Variants in SYT9 observed in about 807,000 individuals in gnomAD.
SYT9 encodes synaptotagmin 9, also known as synaptotagmin-9.
Under a neutral mutation model 48.4 loss-of-function variants are expected in SYT9, and 22 were observed. The observed-to-expected ratio is 0.45, with a 90% CI of 0.32 to 0.65. The LOEUF (loss-of-function observed/expected upper bound fraction) is 0.65. SYT9 is among the 30% of genes least tolerant of loss of function. The probability of loss-of-function intolerance (pLI) is 0.03; values close to 1 mark genes in which losing one functional copy is unlikely to be tolerated. For missense variants in SYT9, 577 were observed against 622.0 expected (o/e 0.93, Z 0.77); for synonymous variants, 265 against 245.0 (o/e 1.08, Z -0.76).
At chr11:7,346,710 A>G (rs1451857170) in intron 3 of SYT9, among the ~76,000 whole-genome samples, 1 of 152,202 alleles carries the variant, frequency 6.6e-6, no homozygotes, top group Non-Finnish European at 1.5e-5. Context: ...TACTTTTCAA[A>G]AATAATTTGC....
chr11:7,415,929 A>G (rs1200411968), intron 3 of SYT9, 113 bp from the exon 4 acceptor site: 1 of 1,332,382 alleles, frequency 7.5e-7, no homozygotes, highest in East Asian at 2.3e-5. Context: ...CAGGGATTCT[A>G]CAAGCTGAGC....
chr11:7,348,227 C>G lies in SYT9; in HGVS notation c.1044+34286C>G, dbSNP rs182432318. Among the ~76,000 whole-genome samples, 209 of 152,282 alleles carry G rather than the reference C, an allele frequency of 1.4e-3. 1 individual carries two copies. Among genetic ancestry groups the G allele is most frequent in the Non-Finnish European group, 1.2e-3 (82 of 68,030 alleles). On this transcript the variant is annotated intron_variant, in intron 3 of 6. Transcript: ENST00000318881. The stretch of plus-strand genomic sequence containing the variant: ...CAACTCCAGGAAGCCACCTGAAAAT[C>G]TTGTGTTGGTCCCTGTACCAACTCT...
intron 3 of SYT9, among the ~76,000 whole-genome samples, chr11:7,378,377 A>G (rs934640008): frequency 6.6e-6 from 1 of 152,130 alleles, no homozygotes; most frequent in African/African-American, 2.4e-5. Context: ...CTAGGAGTGA[A>G]ATAATCAGAT....
chr11:7,323,067 T>C (rs1419805313), intron 3 of SYT9, among the ~76,000 whole-genome samples: 8 of 152,186 alleles, frequency 5.3e-5, no homozygotes, highest in Non-Finnish European at 1.5e-5. Flanking sequence ...TTATATGGTC[T>C]ACAACAATTT....
rs1010735846 is a variant in SYT9, at chr11:7,450,097, G to A, written c.1468-16695G>A. On this transcript the variant is annotated intron_variant, in intron 6 of 6. Transcript: ENST00000318881. The stretch of plus-strand genomic sequence containing the variant: ...GACCACTGTGCTCAGTGCTGTACAG[G>A]CATCCCCAGTTTAACTCTCACCCTG... 1.6e-4 allele frequency among the ~76,000 whole-genome samples: 25 copies of A among 152,278 alleles called. 1 individual carries two copies. The highest frequency in any genetic ancestry group is 6.5e-5 in the Admixed American group (1 of 15,290).
rs1360752116 is a variant in SYT9, at chr11:7,416,102, C to T, written c.1105C>T (p.Leu369=). 1 of 1,614,146 alleles carries T rather than the reference C, an allele frequency of 6.2e-7. No individual in the cohort carries two copies. The highest frequency in any genetic ancestry group is 8.5e-7 in the Non-Finnish European group (1 of 1,180,020). Residue 369 remains leucine, a synonymous_variant, in exon 4 of 7, where the codon CTG becomes TTG. Coordinates refer to ENST00000318881, the MANE Select transcript of SYT9 (RefSeq NM_175733.4). The part of the protein sequence containing the change: ...SLCYLPTAGR[L]TITIIKARNL... The stretch of plus-strand genomic sequence containing the variant: ...GTGCTATCTTCCAACGGCTGGCAGG[C>T]TGACCATTACCATTATAAAAGCAAG...
upstream of SYT9, among the ~76,000 whole-genome samples, chr11:7,250,060 G>A (rs1341498238): frequency 6.6e-6 from 1 of 151,996 alleles, no homozygotes; most frequent in Non-Finnish European, 1.5e-5. Context: ...CATCCCATGT[G>A]GCAACTCAGT....
rs11327800 is a variant in SYT9, at chr11:7,318,322, C to CT, written c.1044+4392dup. 3.6e-3 allele frequency among the ~76,000 whole-genome samples: 529 copies of CT among 146,614 alleles called. 1 individual carries two copies. Among genetic ancestry groups the CT allele is most frequent in the Middle Eastern group, 7.1e-3 (2 of 280 alleles). On this transcript the variant is annotated intron_variant, in intron 3 of 6. Coordinates refer to ENST00000318881, the MANE Select transcript of SYT9 (RefSeq NM_175733.4). ...GCAGTCTTGTAGAACTCATTAATGC[C>CT]TTTTTTTTTTTATGGCATTTTGCTC...
intron 6 of SYT9, among the ~76,000 whole-genome samples, chr11:7,421,310 A>G (rs952438927): frequency 1.3e-5 from 2 of 152,158 alleles, no homozygotes; most frequent in Non-Finnish European, 1.5e-5. Context: ...CAACCATTGC[A>G]TATTTTCTAG....
intron 2 of SYT9, among the ~76,000 whole-genome samples, chr11:7,312,737 C>T (rs997130805): frequency 3.3e-5 from 5 of 152,156 alleles, no homozygotes; most frequent in Non-Finnish European, 7.3e-5. Context: ...GAAATAAAAC[C>T]TGTCCTCTTG....
rs540888681 is a variant in SYT9 at position 7,384,111 on chromosome 11, C to A, written c.1045-31931C>A. 1.7e-4 allele frequency among the ~76,000 whole-genome samples: 26 copies of A among 152,062 alleles called. No homozygotes were observed. In the South Asian group the frequency reaches 5.4e-3, roughly 32 times the overall value. On this transcript the variant is annotated intron_variant, in intron 3 of 6. Coordinates refer to ENST00000318881, the MANE Select transcript of SYT9 (RefSeq NM_175733.4). ...ACACACACCCTCACACCTTACTTCC[C>A]TCTCCCATTTTCTCAAAATCGTTAT...
At position 7,363,907 on chromosome 11, in the gene SYT9, A is replaced by G. The variant is rs1850193905; in HGVS notation, c.1044+49966A>G. 4.6e-5 allele frequency among the ~76,000 whole-genome samples: 7 copies of G among 152,312 alleles called. No homozygotes were observed. In the South Asian group the frequency reaches 1.5e-3, roughly 32 times the overall value. The stretch of plus-strand genomic sequence containing the variant: ...AAGTGAGCTGAGGAACAAGTCAAAG[A>G]TATGGAATTAGAGTTATTTCTTTTA... On this transcript the variant is annotated intron_variant, in intron 3 of 6. Coordinates refer to ENST00000318881, the MANE Select transcript of SYT9 (RefSeq NM_175733.4).
intron 1 of SYT9, among the ~76,000 whole-genome samples, chr11:7,259,138 A>C (rs1848032037): frequency 6.6e-6 from 1 of 152,144 alleles, no homozygotes; most frequent in Admixed American, 6.5e-5. Context: ...TTTATTTGTG[A>C]TGCTGACAAC....
intron 2 of SYT9, among the ~76,000 whole-genome samples, chr11:7,312,364 A>G (rs1162071467): frequency 6.6e-6 from 1 of 152,220 alleles, no homozygotes; most frequent in East Asian, 1.9e-4. Context: ...GAGACATCCC[A>G]GCTGTTCTCT....
upstream of SYT9, among the ~76,000 whole-genome samples, chr11:7,251,750 G>A (rs1251081072): frequency 6.6e-6 from 1 of 152,150 alleles, no homozygotes; most frequent in Non-Finnish European, 1.5e-5. Context: ...CTGGGCGCGA[G>A]GTCCCAAGCC....
intron 6 of SYT9, among the ~76,000 whole-genome samples, chr11:7,436,615 G>T (rs932770423): frequency 2.6e-5 from 4 of 151,074 alleles, no homozygotes; most frequent in Admixed American, 6.6e-5. Context: ...GTGTCCAGTT[G>T]GTTTTTTTGT....
At chr11:7,255,902 C>T (rs1343880138) in intron 1 of SYT9, among the ~76,000 whole-genome samples, 1 of 152,152 alleles carries the variant, frequency 6.6e-6, no homozygotes, top group African/African-American at 2.4e-5. Flanking sequence ...TATTTTTTAA[C>T]TGGAGACTTC....
At chr11:7,388,182 A>AGAC (rs1850696960) in intron 3 of SYT9, among the ~76,000 whole-genome samples, 1 of 152,210 alleles carries the variant, frequency 6.6e-6, no homozygotes, top group South Asian at 2.1e-4. Flanking sequence ...TTACTTAATG[A>AGAC]GACATAGACA....
chr11:7,359,454 T>C (rs1362175333), intron 3 of SYT9, among the ~76,000 whole-genome samples: 7 of 46,796 alleles, frequency 1.5e-4, no homozygotes, highest in African/African-American at 5.0e-4. Context: ...TGAACTAGTT[T>C]ACAGTCCCAC....
Sources: allele counts gnomAD v4.1 joint callset (sites outside exome capture counted in the v4.1 genomes callset), GRCh38; gene constraint gnomAD v4.1.1; transcripts MANE v1.5; gene names NCBI Gene and HGNC (gene_info 2026-07-23, HGNC 2026-07-21).